Variants in BAHCC1 observed in about 807,000 individuals in gnomAD.
BAHCC1 encodes the protein BAH domain and coiled-coil containing 1.
In BAHCC1, 43 loss-of-function variants were observed where a neutral mutation model predicts 88.2. That is an observed-to-expected ratio of 0.49 (90% confidence interval 0.38 to 0.63). The LOEUF (loss-of-function observed/expected upper bound fraction) is 0.63, where lower values mean the gene tolerates loss of function less well. Ranked by LOEUF, BAHCC1 falls within the 20% of genes least tolerant of loss-of-function variation. BAHCC1 has a pLI of 0.00. For missense variants in BAHCC1, 3,023 were observed against 1,654.8 expected, an observed-to-expected ratio of 1.83 and a Z score of -14.34; for synonymous variants, 1,510 against 745.5, an observed-to-expected ratio of 2.03 and a Z score of -16.71.
chr17:81,418,515 C>A (rs1397825564), intron 2 of BAHCC1, among the ~76,000 whole-genome samples: 2 of 152,124 alleles, frequency 1.3e-5, no homozygotes, highest in East Asian at 3.8e-4. Context: ...CTGAGGCCCC[C>A]CTCTACCACC....
rs888046522 is a variant in BAHCC1 at position 81,464,723 on chromosome 17, A to G, written c.*906A>G. 8 of 152,676 alleles carry G rather than the reference A, an allele frequency of 5.2e-5. No individual in the cohort carries two copies. The highest frequency in any genetic ancestry group is 1.4e-4 in the African/African-American group (6 of 41,572). 9.5% of individuals were successfully genotyped at this position (152,676 alleles called of 1,614,324 possible). A position where few individuals can be genotyped will look rare whatever the true frequency, so the allele number is the denominator to read the frequency against. ...GTTTGGATTGTATCTGCTGAATCATATTCCAACCTATATCTGATTTCTGTT... is the reference window on the plus strand; with the variant it reads ...GTTTGGATTGTATCTGCTGAATCATGTTCCAACCTATATCTGATTTCTGTT... On this transcript the variant is annotated 3_prime_UTR_variant, in exon 28 of 28. Coordinates refer to ENST00000675386, the MANE Select transcript of BAHCC1 (RefSeq NM_001377448.1).
intron 2 of BAHCC1, chr17:81,415,448 G>A (rs781925868): frequency 2.2e-5 from 10 of 460,720 alleles, no homozygotes; most frequent in East Asian, 6.4e-5. Flanking sequence ...AGGGTAACGC[G>A]AGCGCGAGGC....
At chr17:81,446,596 T>C in intron 10 of BAHCC1, 1 of 222,068 alleles carries the variant, frequency 4.5e-6, no homozygotes, top group Non-Finnish European at 8.9e-6. Flanking sequence ...TCGCCCAGTC[T>C]GGAGTGCAGT....
At chr17:81,418,810 C>CGCGCATGTGTGT (rs71302047) in intron 2 of BAHCC1, among the ~76,000 whole-genome samples, 1 of 146,332 alleles carries the variant, frequency 6.8e-6, no homozygotes, top group Non-Finnish European at 1.5e-5. Context: ...TGTGTGTGTA[C>CGCGCATGTGTGT]GTGTGTGTGT....
rs782499834 is a variant in BAHCC1, at chr17:81,443,147, C to T, written c.1798C>T (p.Arg600Cys). 3.3e-5 allele frequency: 26 copies of T among 778,080 alleles called. No homozygotes were observed. The highest frequency in any genetic ancestry group is 1.5e-4 in the South Asian group (11 of 74,562). 48.2% of individuals were successfully genotyped at this position (778,080 alleles called of 1,614,324 possible). A position where few individuals can be genotyped will look rare whatever the true frequency, so the allele number is the denominator to read the frequency against. The change falls in exon 5 of 28, where the codon CGC becomes TGC. Residue 600 changes from arginine (R) to cysteine (C), a missense_variant. Transcript: ENST00000675386. ...QGTAMAISEE[R>C]KAGAYLDPFG... ...CACCGCCATGGCCATCAGCGAGGAGCGCAAGGCTGGCGCCTACCTGGACCC... is the reference window on the plus strand; with the variant it reads ...CACCGCCATGGCCATCAGCGAGGAGTGCAAGGCTGGCGCCTACCTGGACCC...
At chr17:81,452,970 C>G (rs889122586) in intron 14 of BAHCC1, 119 bp downstream of exon 14, 1 of 590,724 alleles carries the variant, frequency 1.7e-6, no homozygotes, top group Admixed American at 3.7e-5. Flanking sequence ...TTCACACCTA[C>G]TCTGAAGGCC....
chr17:81,407,016 C>A, intron 2 of BAHCC1: 1 of 456,056 alleles, frequency 2.2e-6, no homozygotes, highest in Non-Finnish European at 4.4e-6. Flanking sequence ...CTTCCCTTCT[C>A]TCCCCTAGGA....
chr17:81,440,112 T>A (rs1393414623), intron 4 of BAHCC1, among the ~76,000 whole-genome samples: 12 of 152,294 alleles, frequency 7.9e-5, no homozygotes, highest in African/African-American at 2.9e-4. Flanking sequence ...CAAACCGGTC[T>A]CCTCACCCCA....
chr17:81,459,892 C>T (rs548595718), intron 23 of BAHCC1, among the ~76,000 whole-genome samples: 40 of 152,256 alleles, frequency 2.6e-4, no homozygotes, highest in Non-Finnish European at 5.1e-4. Context: ...ACCAGCTCCC[C>T]TGGGCAAAAC....
intron 3 of BAHCC1, among the ~76,000 whole-genome samples, chr17:81,427,740 G>A (rs985328859): frequency 3.3e-5 from 5 of 152,140 alleles, no homozygotes; most frequent in Non-Finnish European, 5.9e-5. Context: ...CGCCCCCCGC[G>A]GCTGGCACGC....
In BAHCC1 at chr17:81,451,748, G is replaced by A. The variant is rs781883905; in HGVS notation, c.4057G>A (p.Gly1353Ser). The change falls in exon 12 of 28, where the codon GGC becomes AGC. Residue 1353 changes from glycine to serine, a missense_variant. Gly to Ser is a moderately conservative substitution (Grantham distance 56). Coordinates refer to ENST00000675386, the MANE Select transcript of BAHCC1 (RefSeq NM_001377448.1). ...AGCCTGGTCCCTGGTGGAGGCCGCT[G>A]GCCTGGACAGCTCCACTGCCCCAGC... ...ATAWSLVEAA[G>S]LDSSTAPAQP... 6.5e-6 allele frequency: 5 copies of A among 773,724 alleles called. No individual in the cohort carries two copies. Among genetic ancestry groups the A allele is most frequent in the Admixed American group, 1.7e-5 (1 of 58,826 alleles). 47.9% of individuals were successfully genotyped at this position (773,724 alleles called of 1,614,324 possible).
chr17:81,417,329 G>A (rs1233686507), intron 2 of BAHCC1, among the ~76,000 whole-genome samples: 1 of 152,106 alleles, frequency 6.6e-6, no homozygotes, highest in African/African-American at 2.4e-5. Context: ...CTGGCCGACC[G>A]CCCCACAGCC....
In BAHCC1 at chr17:81,445,101, C is replaced by T; in HGVS notation, c.2758C>T (p.Pro920Ser). Residue 920 changes from proline (P) to serine (S), a missense_variant, in exon 9 of 28, where the codon CCT becomes TCT. Pro to Ser is a moderately conservative substitution (Grantham distance 74). Coordinates refer to ENST00000675386, the MANE Select transcript of BAHCC1 (RefSeq NM_001377448.1). Reference protein sequence around the residue: ...ASHMQHPGQLPVYSRPQLLRQ... With the variant: ...ASHMQHPGQLSVYSRPQLLRQ... ...TCACATGCAGCACCCGGGCCAGCTC[C>T]CTGTGTACTCGAGGCCGCAGCTCCT... The T allele has an allele frequency of 2.6e-6, 2 of 772,654 alleles. No homozygotes were observed. The highest frequency in any genetic ancestry group is 1.4e-5 in the South Asian group (1 of 73,106). The allele number at this position is 772,654 out of a possible 1,614,324, so 47.9% of individuals were successfully genotyped here.
intron 2 of BAHCC1, among the ~76,000 whole-genome samples, chr17:81,421,405 C>T (rs1426476049): frequency 2.0e-5 from 3 of 152,196 alleles, no homozygotes; most frequent in Non-Finnish European, 2.9e-5. Context: ...GGTGCCATCC[C>T]CAAACACCGG....
chr17:81,422,798 C>T (rs1307447218), intron 2 of BAHCC1: 2 of 441,076 alleles, frequency 4.5e-6, no homozygotes, highest in Non-Finnish European at 9.1e-6. Context: ...CCCACCATCC[C>T]GAGGAGGAAA....
intron 2 of BAHCC1, among the ~76,000 whole-genome samples, chr17:81,405,996 A>T (rs1555646814): frequency 6.6e-6 from 1 of 152,232 alleles, no homozygotes; most frequent in East Asian, 1.9e-4. Context: ...GGGTAGCAGC[A>T]GGGCCAGCCT....
intron 2 of BAHCC1, among the ~76,000 whole-genome samples, chr17:81,412,547 C>T (rs2063967293): frequency 2.6e-5 from 4 of 152,186 alleles, no homozygotes; most frequent in East Asian, 1.9e-4. Context: ...CCTTGGGGCC[C>T]GTCGGCCAGG....
intron 1 of BAHCC1, 73 bp downstream of exon 1, chr17:81,395,708 C>T (rs1308266728): frequency 6.8e-5 from 10 of 147,904 alleles, no homozygotes; most frequent in African/African-American, 2.0e-4. Context: ...TTTATTCTGG[C>T]TTTGGGGTTT....
intron 2 of BAHCC1, among the ~76,000 whole-genome samples, chr17:81,410,616 G>A (rs782285505): frequency 1.3e-5 from 2 of 152,184 alleles, no homozygotes; most frequent in Non-Finnish European, 2.9e-5. Flanking sequence ...TGGCACCACG[G>A]GTCCTGGCAC....
Sources: allele counts gnomAD v4.1 joint callset (sites outside exome capture counted in the v4.1 genomes callset), GRCh38; gene constraint gnomAD v4.1.1; transcripts MANE v1.5; gene names NCBI Gene and HGNC (gene_info 2026-07-23, HGNC 2026-07-21).